Variants in PCSK2 observed in about 807,000 individuals in gnomAD.
PCSK2 encodes the protein neuroendocrine convertase 2.
PCSK2 carries 14 observed loss-of-function variants against 69.7 expected under a neutral mutation model. That is an observed-to-expected ratio of 0.20 (90% confidence interval 0.13 to 0.31). The LOEUF (loss-of-function observed/expected upper bound fraction) is 0.31. Ranked by LOEUF, PCSK2 falls within the 10% of genes least tolerant of loss-of-function variation. PCSK2 has a pLI of 1.00. For missense variants in PCSK2, 544 were observed against 842.5 expected (o/e 0.65, Z 4.39); for synonymous variants, 307 against 320.7 (o/e 0.96, Z 0.46).
In PCSK2 at chr20:17,258,966, G is replaced by A. The variant is rs138343860; in HGVS notation, c.178-1274G>A. Among the ~76,000 whole-genome samples the A allele has an allele frequency of 2.0e-5, 3 of 151,220 alleles. No homozygotes were observed. The East Asian group carries it at 5.8e-4, about 29-fold the overall frequency. ...TTTTACTTTGTTATCTGTGTTTTTCGGTTTTCTAAATTTACTCTACATTTT... is the reference window on the plus strand; with the variant it reads ...TTTTACTTTGTTATCTGTGTTTTTCAGTTTTCTAAATTTACTCTACATTTT... On this transcript the variant is annotated intron_variant, in intron 1 of 11. Coordinates refer to ENST00000262545, the MANE Select transcript of PCSK2 (RefSeq NM_002594.5).
At chr20:17,420,345 T>C (rs2032094097) in intron 6 of PCSK2, among the ~76,000 whole-genome samples, 1 of 152,184 alleles carries the variant, frequency 6.6e-6, no homozygotes. Context: ...GATAATAAAA[T>C]GCAAACTGTT....
chr20:17,320,101 CAAG>C (rs1250870645), intron 2 of PCSK2, among the ~76,000 whole-genome samples: 1 of 152,092 alleles, frequency 6.6e-6, no homozygotes, highest in African/African-American at 2.4e-5. Context: ...AACTGAAGCT[CAAG>C]GTGTTATGTT....
intron 5 of PCSK2, among the ~76,000 whole-genome samples, chr20:17,405,534 G>A (rs546866494): frequency 3.1e-4 from 47 of 152,266 alleles, no homozygotes; most frequent in African/African-American, 9.6e-4. Context: ...GTGGGCCTGC[G>A]TCTTTGATAG....
intron 8 of PCSK2, among the ~76,000 whole-genome samples, chr20:17,445,791 C>T (rs1479381664): frequency 3.3e-5 from 5 of 152,244 alleles, no homozygotes; most frequent in African/African-American, 1.2e-4. Flanking sequence ...ATGAAGGTCG[C>T]AACTGAGCAG....
At position 17,317,668 on chromosome 20, in the gene PCSK2, T is replaced by G. The variant is rs114588544; in HGVS notation, c.283-40659T>G. Among the ~76,000 whole-genome samples, 705 of 152,302 alleles carry G rather than the reference T, an allele frequency of 4.6e-3. 5 individuals are homozygous for G. The highest frequency in any genetic ancestry group is 0.016 in the African/African-American group (666 of 41,572). ...TTTCATTCCAGTTCCTCTTTATTCA[T>G]GTGCACATTCAATTGCCAGACAGTT... On this transcript the variant is annotated intron_variant, in intron 2 of 11. Transcript: ENST00000262545.
At chr20:17,280,179 T>C (rs1284452411) in intron 2 of PCSK2, among the ~76,000 whole-genome samples, 3 of 152,222 alleles carry the variant, frequency 2.0e-5, no homozygotes, top group Non-Finnish European at 4.4e-5. Context: ...TTGTATAGTA[T>C]ATACTATTTT....
intron 2 of PCSK2, among the ~76,000 whole-genome samples, chr20:17,298,048 C>T (rs943078071): frequency 6.6e-6 from 1 of 152,048 alleles, no homozygotes; most frequent in African/African-American, 2.4e-5. Context: ...CTTTTCCTTC[C>T]TCTTACGCTT....
intron 2 of PCSK2, among the ~76,000 whole-genome samples, chr20:17,350,845 C>A (rs979454547): frequency 1.3e-5 from 2 of 151,982 alleles, no homozygotes; most frequent in African/African-American, 2.4e-5. Flanking sequence ...GAATTCGAGA[C>A]CAGCTTGGCC....
chr20:17,350,808 C>T (rs192118989), intron 2 of PCSK2, among the ~76,000 whole-genome samples: 2 of 151,946 alleles, frequency 1.3e-5, no homozygotes, highest in Admixed American at 6.6e-5. Context: ...TTTGGGAGGC[C>T]GAGGCGGGTG....
intron 5 of PCSK2, among the ~76,000 whole-genome samples, chr20:17,372,751 A>G (rs989399402): frequency 1.3e-5 from 2 of 152,214 alleles, no homozygotes; most frequent in Non-Finnish European, 2.9e-5. Flanking sequence ...CTGAACACCT[A>G]ACTACCTCGT....
At chr20:17,427,946 CT>C (rs2032282421) in intron 6 of PCSK2, among the ~76,000 whole-genome samples, 1 of 152,194 alleles carries the variant, frequency 6.6e-6, no homozygotes, top group South Asian at 2.1e-4. Context: ...CTGCCACATT[CT>C]TTCAGTCAAA....
At chr20:17,364,556 A>G (rs969806238) in intron 4 of PCSK2, among the ~76,000 whole-genome samples, 2 of 152,076 alleles carry the variant, frequency 1.3e-5, no homozygotes, top group Non-Finnish European at 2.9e-5. Context: ...CCCTTATAAA[A>G]CCATCAGATC....
intron 5 of PCSK2, among the ~76,000 whole-genome samples, chr20:17,376,816 C>T (rs2030941993): frequency 6.6e-6 from 1 of 152,214 alleles, no homozygotes; most frequent in Non-Finnish European, 1.5e-5. Context: ...ACACTTATCA[C>T]AGTGTTAAGC....
rs45544741 is a variant in PCSK2, at chr20:17,484,435, A to T, written c.*2365A>T. The T allele has an allele frequency of 7.6e-3, 1,160 of 152,672 alleles. 10 individuals are homozygous for T. Among genetic ancestry groups the T allele is most frequent in the Middle Eastern group, 0.045 (13 of 292 alleles). The allele number at this position is 152,672 out of a possible 1,614,324, so 9.5% of individuals were successfully genotyped here. On this transcript the variant is annotated 3_prime_UTR_variant, in exon 12 of 12. Coordinates refer to ENST00000262545, the MANE Select transcript of PCSK2 (RefSeq NM_002594.5). ...ATCCTAACTGAAGAGACAGTTATTT[A>T]TAGTCATTTATTTTAAAAAATGAAA... is the stretch of plus-strand genomic sequence containing the variant.
intron 8 of PCSK2, among the ~76,000 whole-genome samples, chr20:17,438,589 T>C (rs1217743108): frequency 1.3e-5 from 2 of 152,200 alleles, no homozygotes; most frequent in East Asian, 1.9e-4. Context: ...TCGAAATCTA[T>C]GACTACAATG....
At chr20:17,375,368 T>C (rs566154582) in intron 5 of PCSK2, among the ~76,000 whole-genome samples, 1 of 151,948 alleles carries the variant, frequency 6.6e-6, no homozygotes, top group Non-Finnish European at 1.5e-5. Flanking sequence ...AACATAAATC[T>C]CAAAGGCTTT....
At position 17,481,947 on chromosome 20, in the gene PCSK2, G is replaced by T; in HGVS notation, c.1794G>T (p.Pro598=). The change falls in exon 12 of 12, where the codon CCG becomes CCT. Residue 598 remains proline (P), a synonymous_variant. Transcript: ENST00000262545. The part of the protein sequence containing the change: ...TLMLHGTQSA[P]YIDQVVRDYQ... Reference sequence around the variant, plus strand: ...TGCTGCATGGCACTCAGAGTGCCCCGTACATCGACCAGGTGGTGCGGGATT... The same window carrying T: ...TGCTGCATGGCACTCAGAGTGCCCCTTACATCGACCAGGTGGTGCGGGATT... 1 of 1,613,468 alleles carries T rather than the reference G, an allele frequency of 6.2e-7. No homozygotes were observed. Among genetic ancestry groups the T allele is most frequent in the Non-Finnish European group, 8.5e-7 (1 of 1,179,922 alleles).
intron 1 of PCSK2, among the ~76,000 whole-genome samples, 178 bp from the exon 2 acceptor site, chr20:17,260,062 G>A (rs1279624908): frequency 6.6e-6 from 1 of 152,128 alleles, no homozygotes; most frequent in African/African-American, 2.4e-5. Context: ...GCAAGGAGAA[G>A]AGAAGGAGGA....
intron 2 of PCSK2, among the ~76,000 whole-genome samples, chr20:17,292,075 G>A (rs1414615997): frequency 6.6e-6 from 1 of 152,182 alleles, no homozygotes; most frequent in Non-Finnish European, 1.5e-5. Context: ...AGTAATATAA[G>A]GGTTCTATTA....
Sources: gnomAD v4.1 joint callset for allele counts (sites outside exome capture counted in the v4.1 genomes callset) on GRCh38, gnomAD v4.1.1 for gene constraint, MANE v1.5 for transcripts, NCBI Gene and HGNC (gene_info 2026-07-23, HGNC 2026-07-21) for gene names.